Variants in RAD1 observed in about 807,000 individuals in gnomAD.
RAD1 encodes cell cycle checkpoint protein RAD1.
RAD1 carries 21 observed loss-of-function variants against 30.0 expected under a neutral mutation model. That is an observed-to-expected ratio of 0.70 (90% confidence interval 0.50 to 1.01). RAD1 has a LOEUF of 1.01. Among genes scored for constraint, RAD1 ranks in the 50% least tolerant of loss-of-function variants. The probability of loss-of-function intolerance (pLI) is 0.00; values close to 1 mark genes in which losing one functional copy is unlikely to be tolerated. For synonymous variants in RAD1, 109 were observed against 113.6 expected (o/e 0.96, Z 0.26); for missense variants, 329 against 329.0 (o/e 1.00, Z 0.00).
rs1002256354 is a variant in RAD1 at position 34,907,779 on chromosome 5, A to T, written c.*986T>A. 7 of 152,234 alleles carry T rather than the reference A, an allele frequency of 4.6e-5. No homozygotes were observed. Among genetic ancestry groups the T allele is most frequent in the African/African-American group, 1.7e-4 (7 of 41,458 alleles). The allele number at this position is 152,234 out of a possible 1,614,324, so 9.4% of individuals were successfully genotyped here. ...AAGGTCTACTTTAAAAATAAATCAC[A>T]TAAAGAATTGTTCAGACTTGTTTGG... is the stretch of plus-strand genomic sequence containing the variant. On this transcript the variant is annotated 3_prime_UTR_variant, in exon 6 of 6. Transcript: ENST00000382038.
At chr5:34,912,716 GC>G (rs1372631797) in intron 3 of RAD1, among the ~76,000 whole-genome samples, 1 of 151,864 alleles carries the variant, frequency 6.6e-6, no homozygotes, top group Non-Finnish European at 1.5e-5. Context: ...AAATCATTCG[GC>G]AACCGGTTGC....
chr5:34,914,779 T>G lies in RAD1; in HGVS notation c.114A>C (p.Glu38Asp). 6.2e-7 allele frequency: 1 copy of G among 1,614,250 alleles called. No individual in the cohort carries two copies. The change falls in exon 2 of 6, where the codon GAA (glutamate) becomes GAC (aspartate). Residue 38 changes from glutamate (E) to aspartate (D), a missense_variant. Physicochemically the swap from Glu to Asp is conservative, Grantham distance 45. Transcript: ENST00000382038. ...TTTTAGTTGCGAAACACGTGGCATG[T>G]TCTCGGAAATGAATAGCTTTCAAGA... ...STILKAIHFR[E>D]HATCFATKNG... is the part of the protein sequence containing the mutation.
intron 4 of RAD1, among the ~76,000 whole-genome samples, chr5:34,909,763 T>TA (rs1413646535): frequency 6.6e-6 from 1 of 152,196 alleles, no homozygotes; most frequent in East Asian, 1.9e-4. Flanking sequence ...TTCTGTATCT[T>TA]AGACTGCTCT....
chr5:34,914,361 T>G (rs1296499066), intron 2 of RAD1: 1 of 315,712 alleles, frequency 3.2e-6, no homozygotes, highest in African/African-American at 2.2e-5. Context: ...TAACAGAACC[T>G]ACCTTACAGG....
chr5:34,913,633 A>C, intron 2 of RAD1, 55 bp from the exon 3 acceptor site: 1 of 1,058,866 alleles, frequency 9.4e-7, no homozygotes. Context: ...AACTAATAAT[A>C]TAAGGTCCTA....
chr5:34,914,814 GA>G lies in RAD1; in HGVS notation c.78del (p.Leu27SerfsTer5). On this transcript the variant is annotated frameshift_variant, in exon 2 of 6. Coordinates refer to ENST00000382038, the MANE Select transcript of RAD1 (RefSeq NM_002853.4). LOFTEE classifies it high-confidence loss of function. ...SLVASLDNVRNLSTILKAIHF... is the reference protein window; with the variant it reads ...SLVASLDNVRXLSTILKAIHF... Reference sequence around the variant, plus strand: ...TGAATAGCTTTCAAGATAGTGGAGAGATTCCTAACGTTGTCAAGGCTGGCCA... The same window carrying G: ...TGAATAGCTTTCAAGATAGTGGAGAGTTCCTAACGTTGTCAAGGCTGGCCA... 6.2e-7 allele frequency: 1 copy of G among 1,614,222 alleles called. No individual in the cohort carries two copies. Among genetic ancestry groups the G allele is most frequent in the South Asian group, 1.1e-5 (1 of 91,082 alleles).
chr5:34,911,700 C>T lies in RAD1; in HGVS notation c.420G>A (p.Glu140=). The change falls in exon 4 of 6, where the codon GAG becomes GAA. Residue 140 remains glutamate (E), a synonymous_variant. Transcript: ENST00000382038. The stretch of plus-strand genomic sequence containing the variant: ...TGCAGAAATCAAAGTCCAGGGTCTC[C>T]TCAGGTTCCTGTGTATTGATTTTGC... ...TVCKINTQEP[E]ETLDFDFCST... 6.2e-7 allele frequency: 1 copy of T among 1,614,156 alleles called. No homozygotes were observed. The highest frequency in any genetic ancestry group is 8.5e-7 in the Non-Finnish European group (1 of 1,180,028).
chr5:34,914,956 A>G lies in RAD1; in HGVS notation c.-64T>C, dbSNP rs1401945580. ...GCCAACAACTTCTCGGCGGATCGCC[A>G]AACACCTGAAGGGATTAGACAGTAA... On this transcript the variant is annotated 5_prime_UTR_variant, in exon 2 of 6. Coordinates refer to ENST00000382038, the MANE Select transcript of RAD1 (RefSeq NM_002853.4). 1.3e-6 allele frequency: 2 copies of G among 1,567,922 alleles called. No homozygotes were observed. The highest frequency in any genetic ancestry group is 1.7e-6 in the Non-Finnish European group (2 of 1,145,698).
Position 34,914,785 on chromosome 5 carries a change from G to C in RAD1, c.108C>G (p.Phe36Leu), listed in dbSNP as rs1348112533. 6.2e-7 allele frequency: 1 copy of C among 1,614,196 alleles called. No homozygotes were observed. Among genetic ancestry groups the C allele is most frequent in the Admixed American group, 1.7e-5 (1 of 60,032 alleles). The change falls in exon 2 of 6, where the codon TTC becomes TTG. Residue 36 changes from phenylalanine (F) to leucine (L), a missense_variant. Phe to Leu is a conservative substitution (Grantham distance 22). Transcript: ENST00000382038. ...NLSTILKAIH[F>L]REHATCFATK... ...TTGCGAAACACGTGGCATGTTCTCG[G>C]AAATGAATAGCTTTCAAGATAGTGG...
chr5:34,909,665 G>C (rs1763767827), intron 4 of RAD1, among the ~76,000 whole-genome samples: 1 of 152,114 alleles, frequency 6.6e-6, no homozygotes, highest in Non-Finnish European at 1.5e-5. Context: ...TAACAGGCGA[G>C]AGAATTGAGG....
In RAD1 at chr5:34,914,714, T is replaced by A; in HGVS notation, c.179A>T (p.Gln60Leu). The A allele has an allele frequency of 6.2e-7, 1 of 1,614,240 alleles. No individual in the cohort carries two copies. Among genetic ancestry groups the A allele is most frequent in the Non-Finnish European group, 8.5e-7 (1 of 1,180,038 alleles). The change falls in exon 2 of 6, where the codon CAA becomes CTA. Residue 60 changes from glutamine (Q) to leucine (L), a missense_variant. Transcript: ENST00000382038. ...KVTVENAKCV[Q>L]ANAFIQAGIF... ...CCATACCTGAATAAAAGCATTTGCT[T>A]GCACACACTTTGCATTTTCCACTGT... is the stretch of plus-strand genomic sequence containing the variant.
chr5:34,914,010 G>T (rs1236767096), intron 2 of RAD1: 3 of 456,536 alleles, frequency 6.6e-6, no homozygotes, highest in Non-Finnish European at 1.3e-5. Context: ...ACAGGTGTGA[G>T]CCACCATACC....
At chr5:34,912,818 G>A (rs1763892470) in intron 3 of RAD1, among the ~76,000 whole-genome samples, 1 of 152,146 alleles carries the variant, frequency 6.6e-6, no homozygotes, top group Non-Finnish European at 1.5e-5. Context: ...TGGCTAATAT[G>A]GTGAAACCCC....
intron 3 of RAD1, 121 bp from the exon 4 acceptor site, chr5:34,911,933 T>G: frequency 3.5e-6 from 4 of 1,127,506 alleles, no homozygotes; most frequent in African/African-American, 1.6e-5. Context: ...CACATATATG[T>G]ATCTCCTCAT....
chr5:34,914,951 T>C lies in RAD1; in HGVS notation c.-59A>G. ...CTGGGGCCAACAACTTCTCGGCGGATCGCCAAACACCTGAAGGGATTAGAC... is the reference window on the plus strand; with the variant it reads ...CTGGGGCCAACAACTTCTCGGCGGACCGCCAAACACCTGAAGGGATTAGAC... On this transcript the variant is annotated 5_prime_UTR_variant, in exon 2 of 6. Transcript: ENST00000382038. 1 of 1,581,812 alleles carries C rather than the reference T, an allele frequency of 6.3e-7. No homozygotes were observed. Among genetic ancestry groups the C allele is most frequent in the East Asian group, 2.2e-5 (1 of 44,664 alleles).
In RAD1 at chr5:34,907,606, T is replaced by C. The variant is rs1763694355; in HGVS notation, c.*1159A>G. 1.3e-5 allele frequency: 2 copies of C among 152,190 alleles called. No individual in the cohort carries two copies. The highest frequency in any genetic ancestry group is 4.1e-4 in the South Asian group (2 of 4,830). The allele number at this position is 152,190 out of a possible 1,614,324, so 9.4% of individuals were successfully genotyped here. A position where few individuals can be genotyped will look rare whatever the true frequency, so the allele number is the denominator to read the frequency against. The stretch of plus-strand genomic sequence containing the variant: ...GTACAAAATCACTTAATAACTGGTT[T>C]TCTACACCTTGATTTGTCAAGAAAC... On this transcript the variant is annotated 3_prime_UTR_variant, in exon 6 of 6. Transcript: ENST00000382038.
At position 34,915,442 on chromosome 5, in the gene RAD1, G is replaced by A. The variant is rs1764032202; in HGVS notation, c.-96C>T. The A allele has an allele frequency of 6.0e-6, 2 of 334,644 alleles. No homozygotes were observed. The highest frequency in any genetic ancestry group is 4.6e-5 in the Admixed American group (1 of 21,814). The allele number at this position is 334,644 out of a possible 1,614,324, so 20.7% of individuals were successfully genotyped here. ...TTTGCGGTGGGGTCTGGACGCCCGA[G>A]AGCCCTTCTCAGCAAAGTCCCTGAA... On this transcript the variant is annotated 5_prime_UTR_variant, in exon 1 of 6. Coordinates refer to ENST00000382038, the MANE Select transcript of RAD1 (RefSeq NM_002853.4).
Position 34,907,902 on chromosome 5 carries a change from A to G in RAD1, c.*863T>C, listed in dbSNP as rs1463669103. The G allele has an allele frequency of 6.6e-6, 1 of 152,214 alleles. No homozygotes were observed. The highest frequency in any genetic ancestry group is 2.4e-5 in the African/African-American group (1 of 41,448). 9.4% of individuals were successfully genotyped at this position (152,214 alleles called of 1,614,324 possible). On this transcript the variant is annotated 3_prime_UTR_variant, in exon 6 of 6. Coordinates refer to ENST00000382038, the MANE Select transcript of RAD1 (RefSeq NM_002853.4). Reference sequence around the variant, plus strand: ...TTAAAGAAAAAAAAAGTTTCCTTTAAAACAGTGGTTCCCAAAATTTAGCAG... The same window carrying G: ...TTAAAGAAAAAAAAAGTTTCCTTTAGAACAGTGGTTCCCAAAATTTAGCAG...
Position 34,908,745 on chromosome 5 carries a change from A to C in RAD1, c.*20T>G, listed in dbSNP as rs780419693. On this transcript the variant is annotated 3_prime_UTR_variant, in exon 6 of 6. Coordinates refer to ENST00000382038, the MANE Select transcript of RAD1 (RefSeq NM_002853.4). ...TCATCTATCATAAATGTACACATAA[A>C]TATCAGTGAATTGTCATACTCAAGA... is the stretch of plus-strand genomic sequence containing the variant. 1 of 1,564,916 alleles carries C rather than the reference A, an allele frequency of 6.4e-7. No individual in the cohort carries two copies. The highest frequency in any genetic ancestry group is 8.7e-7 in the Non-Finnish European group (1 of 1,149,920).
Sources: gnomAD v4.1 joint callset for allele counts (sites outside exome capture counted in the v4.1 genomes callset) on GRCh38, gnomAD v4.1.1 for gene constraint, MANE v1.5 for transcripts, NCBI Gene and HGNC (gene_info 2026-07-23, HGNC 2026-07-21) for gene names.